Variants in EBF1 observed in about 807,000 individuals in gnomAD.
EBF1 encodes EBF transcription factor 1.
EBF1 carries 10 observed loss-of-function variants against 68.4 expected under a neutral mutation model. That is an observed-to-expected ratio of 0.15 (90% CI 0.09 to 0.25). The LOEUF (loss-of-function observed/expected upper bound fraction) is 0.25, where lower values mean the gene tolerates loss of function less well. Among genes scored for constraint, EBF1 ranks in the 10% least tolerant of loss-of-function variants. The pLI, the probability that EBF1 is intolerant of heterozygous loss-of-function variation, is 1.00. For missense variants in EBF1, 509 were observed against 794.4 expected (o/e 0.64, Z 4.32); for synonymous variants, 298 against 299.8 (o/e 0.99, Z 0.06).
At chr5:158,857,753 T>C (rs1184636865) in intron 6 of EBF1, among the ~76,000 whole-genome samples, 1 of 152,204 alleles carries the variant, frequency 6.6e-6, no homozygotes, top group East Asian at 1.9e-4. Flanking sequence ...GAAAGCTTTA[T>C]AAGTTGCTTC....
At chr5:158,704,763 G>T (rs960517391) in intron 15 of EBF1, among the ~76,000 whole-genome samples, 1 of 152,108 alleles carries the variant, frequency 6.6e-6, no homozygotes, top group Non-Finnish European at 1.5e-5. Flanking sequence ...CTAAGGCTGG[G>T]TCCTCTTTGC....
At chr5:158,834,130 C>T (rs1010589730) in intron 7 of EBF1, among the ~76,000 whole-genome samples, 10 of 152,118 alleles carry the variant, frequency 6.6e-5, no homozygotes, top group African/African-American at 2.4e-4. Context: ...ACAGCTTGAA[C>T]CTGATTCTTG....
intron 6 of EBF1, among the ~76,000 whole-genome samples, chr5:159,008,364 T>TCA (rs762163152): frequency 3.1e-4 from 47 of 151,522 alleles, no homozygotes; most frequent in South Asian, 6.3e-4. Context: ...TTTTTAAAAA[T>TCA]CACACACACA....
At chr5:158,840,286 G>A (rs903100500) in intron 6 of EBF1, among the ~76,000 whole-genome samples, 176 bp from the exon 7 acceptor site, 7 of 152,132 alleles carry the variant, frequency 4.6e-5, no homozygotes, top group Non-Finnish European at 7.4e-5. Flanking sequence ...TTGTTTCCAC[G>A]CTGGACCTTC....
chr5:158,743,334 G>A (rs1252394870), intron 10 of EBF1, among the ~76,000 whole-genome samples: 3 of 152,214 alleles, frequency 2.0e-5, no homozygotes, highest in Non-Finnish European at 4.4e-5. Flanking sequence ...CAAAAGATGT[G>A]TTCAAGTAGG....
At position 158,713,137 on chromosome 5, in the gene EBF1, A is replaced by C; in HGVS notation, c.1202T>G (p.Leu401Arg). 1.4e-6 allele frequency: 2 copies of C among 1,479,736 alleles called. No individual in the cohort carries two copies. Among genetic ancestry groups the C allele is most frequent in the East Asian group, 5.0e-5 (2 of 40,218 alleles). 91.7% of individuals were successfully genotyped at this position (1,479,736 alleles called of 1,614,324 possible). The change falls in exon 13 of 16, where the codon CTG (leucine) becomes CGG (arginine). Residue 401 changes from leucine to arginine, a missense_variant. Physicochemically the swap from Leu to Arg is moderately radical, Grantham distance 102. This residue lies in a region of EBF1 where 230 missense variants were observed against 467.7 expected (regional missense o/e 0.49). Transcript: ENST00000313708. ...CTCGGCAATGTCGGCCGCTCTCTTC[A>C]GAATGATTTCCTGAAAAGTCAAAGG... ...GMPHNNQEII[L>R]KRAADIAEAL...
At chr5:158,829,701 C>A (rs1787074154) in intron 7 of EBF1, among the ~76,000 whole-genome samples, 1 of 152,244 alleles carries the variant, frequency 6.6e-6, no homozygotes, top group East Asian at 1.9e-4. Context: ...CCTCAACCCC[C>A]TATAGTCTAC....
chr5:159,009,281 C>T (rs1764175599), intron 6 of EBF1, among the ~76,000 whole-genome samples: 1 of 152,152 alleles, frequency 6.6e-6, no homozygotes. Flanking sequence ...CGCATGTTTT[C>T]TGTTAATTGT....
At chr5:158,894,413 A>G (rs1801779167) in intron 6 of EBF1, among the ~76,000 whole-genome samples, 1 of 152,192 alleles carries the variant, frequency 6.6e-6, no homozygotes, top group Admixed American at 6.5e-5. Context: ...TAAAAAGTAA[A>G]ATCTTTTAAT....
intron 10 of EBF1, among the ~76,000 whole-genome samples, chr5:158,740,993 G>A (rs1338393613): frequency 1.3e-5 from 2 of 152,164 alleles, no homozygotes; most frequent in Non-Finnish European, 2.9e-5. Context: ...GATGCGAACA[G>A]CTTAAACTTT....
At chr5:159,002,387 G>T (rs916153734) in intron 6 of EBF1, among the ~76,000 whole-genome samples, 9 of 152,110 alleles carry the variant, frequency 5.9e-5, no homozygotes, top group Admixed American at 5.2e-4. Flanking sequence ...ACTGAAAAAG[G>T]CAATATGCCG....
At chr5:159,046,213 A>T (rs1015424398) in intron 6 of EBF1, among the ~76,000 whole-genome samples, 1 of 152,146 alleles carries the variant, frequency 6.6e-6, no homozygotes, top group African/African-American at 2.4e-5. Flanking sequence ...CCATCTTATC[A>T]GTTACTCTTG....
At chr5:158,925,612 T>G (rs1420607486) in intron 6 of EBF1, among the ~76,000 whole-genome samples, 2 of 152,204 alleles carry the variant, frequency 1.3e-5, no homozygotes, top group Non-Finnish European at 2.9e-5. Flanking sequence ...CTCTGATGGT[T>G]AGGTGACCTT....
chr5:158,768,009 G>A (rs1773112829), intron 10 of EBF1, among the ~76,000 whole-genome samples: 1 of 152,144 alleles, frequency 6.6e-6, no homozygotes, highest in South Asian at 2.1e-4. Context: ...ATTTACCTTG[G>A]AGGTTGTTTA....
intron 6 of EBF1, among the ~76,000 whole-genome samples, chr5:159,056,020 A>C (rs1489563370): frequency 6.6e-6 from 1 of 152,228 alleles, no homozygotes; most frequent in Admixed American, 6.5e-5. Context: ...ATGGTTTCTA[A>C]AGGAGAGACT....
chr5:158,782,758 T>C (rs1776678683), intron 9 of EBF1, among the ~76,000 whole-genome samples: 3 of 152,212 alleles, frequency 2.0e-5, no homozygotes. Flanking sequence ...AATATTTACA[T>C]AAATTAGGCC....
At chr5:158,946,709 A>G (rs753378633) in intron 6 of EBF1, among the ~76,000 whole-genome samples, 3 of 152,188 alleles carry the variant, frequency 2.0e-5, no homozygotes, top group Non-Finnish European at 4.4e-5. Flanking sequence ...TAGAACTCCA[A>G]TACTGTGCTG....
intron 6 of EBF1, among the ~76,000 whole-genome samples, chr5:158,887,811 T>C (rs575012738): frequency 6.6e-6 from 1 of 152,320 alleles, no homozygotes; most frequent in East Asian, 1.9e-4. Context: ...GAGACTGGGT[T>C]ATGAAAAAAT....
chr5:158,917,909 C>T (rs985502506), intron 6 of EBF1, among the ~76,000 whole-genome samples: 11 of 152,132 alleles, frequency 7.2e-5, no homozygotes, highest in Non-Finnish European at 1.3e-4. Context: ...CCCATGAGGT[C>T]ATCTTTCCTG....
Sources: gnomAD v4.1 joint callset for allele counts (sites outside exome capture counted in the v4.1 genomes callset) on GRCh38, gnomAD v4.1.1 for gene constraint, gnomAD v4.1.1 regional missense constraint, MANE v1.5 for transcripts, NCBI Gene and HGNC (gene_info 2026-07-23, HGNC 2026-07-21) for gene names.